Variants in NPY1R observed in about 807,000 individuals in gnomAD.
NPY1R encodes the protein neuropeptide Y receptor Y1.
In NPY1R, 10 loss-of-function variants were observed where a neutral mutation model predicts 24.1. That is an observed-to-expected ratio of 0.42 (90% CI 0.26 to 0.71). NPY1R has a LOEUF of 0.71. NPY1R is among the 30% of genes least tolerant of loss of function. The pLI is 0.28. For missense variants in NPY1R, 350 were observed against 458.0 expected, an observed-to-expected ratio of 0.76 and a Z score of 2.15; for synonymous variants, 168 against 165.9, an observed-to-expected ratio of 1.01 and a Z score of -0.10.
intron 1 of NPY1R, among the ~76,000 whole-genome samples, chr4:163,343,420 T>G (rs1735060780): frequency 6.6e-6 from 1 of 152,054 alleles, no homozygotes; most frequent in Non-Finnish European, 1.5e-5. Context: ...CACTCTTCCT[T>G]ACTTCAAAGA....
chr4:163,327,616 T>G (rs1418778985), intron 1 of NPY1R, among the ~76,000 whole-genome samples: 2 of 152,146 alleles, frequency 1.3e-5, no homozygotes, highest in Admixed American at 6.5e-5. Context: ...ATTAATATGT[T>G]AGAAGCTTTC....
In NPY1R at chr4:163,324,586, GT is replaced by G. The variant is rs1178157517; in HGVS notation, c.*716del. 6.6e-6 allele frequency: 1 copy of G among 151,968 alleles called. No individual in the cohort carries two copies. The highest frequency in any genetic ancestry group is 1.5e-5 in the Non-Finnish European group (1 of 67,980). 9.4% of individuals were successfully genotyped at this position (151,968 alleles called of 1,614,324 possible). ...GCTCTTGTTGTCAGGTACCAAAATG[GT>G]TTTGAAGTTAGGGAGCTGCTTTCTC... On this transcript the variant is annotated 3_prime_UTR_variant, in exon 3 of 3. Coordinates refer to ENST00000296533, the MANE Select transcript of NPY1R (RefSeq NM_000909.6).
In NPY1R at chr4:163,325,325, T is replaced by C. The variant is rs776122730; in HGVS notation, c.1133A>G (p.Asn378Ser). The change falls in exon 3 of 3, where the codon AAT (asparagine) becomes AGT (serine). Residue 378 changes from asparagine (N) to serine (S), a missense_variant. Physicochemically the swap from Asn to Ser is conservative, Grantham distance 46 (BLOSUM62 1). Transcript: ENST00000296533. ...SPVAFKKINN[N>S]DDNEKI ...GTTTCAGATTTTTTCATTATCATCA[T>C]TGTTGTTGATTTTTTTAAATGCGAC... 4.3e-6 allele frequency: 7 copies of C among 1,610,156 alleles called. No homozygotes were observed. In the East Asian group the frequency reaches 1.1e-4, roughly 26 times the overall value.
At chr4:163,338,421 C>T (rs1423911404) in intron 1 of NPY1R, among the ~76,000 whole-genome samples, 2 of 152,196 alleles carry the variant, frequency 1.3e-5, no homozygotes, top group Non-Finnish European at 2.9e-5. Context: ...AGACACCAAA[C>T]CACAGCTCCC....
chr4:163,336,414 T>G (rs1056959246), upstream of NPY1R, among the ~76,000 whole-genome samples: 1 of 152,222 alleles, frequency 6.6e-6, no homozygotes, highest in Admixed American at 6.5e-5. Flanking sequence ...TTATTATTAC[T>G]ATTCCCTTCA....
intron 1 of NPY1R, among the ~76,000 whole-genome samples, chr4:163,341,018 G>A (rs189438887): frequency 7.9e-5 from 12 of 151,726 alleles, no homozygotes; most frequent in Admixed American, 2.6e-4. Flanking sequence ...CACAATTATC[G>A]TTAAGTTGCC....
Position 163,341,902 on chromosome 4 carries a change from T to G in NPY1R, c.-152+2403A>C, listed in dbSNP as rs73866095. Among the ~76,000 whole-genome samples the G allele has an allele frequency of 3.9e-3, 600 of 152,364 alleles. 4 individuals are homozygous for G. The highest frequency in any genetic ancestry group is 0.013 in the African/African-American group (561 of 41,580). On this transcript the variant is annotated intron_variant, in intron 1 of 1. Coordinates refer to the NPY1R transcript ENST00000511901. The stretch of plus-strand genomic sequence containing the variant: ...GGAAATTTAAAGGTAAAAACACACT[T>G]ATCTTCATATCTTCCTCTTTATGTA...
chr4:163,329,814 T>C (rs867638593), intron 1 of NPY1R, among the ~76,000 whole-genome samples: 19 of 129,330 alleles, frequency 1.5e-4, no homozygotes, highest in Admixed American at 2.6e-4. Context: ...GTGTGCTAAG[T>C]AGCAATAAGA....
rs1257484810 is a variant in NPY1R, at chr4:163,325,847, T to G, written c.699+9A>C. The stretch of plus-strand genomic sequence containing the variant: ...AAAAATGGAAATGATAGAAAAAAAG[T>G]TTTCTTACCTTGAAGTAGCAAATAA... On this transcript the variant is annotated intron_variant, in intron 2 of 2. Coordinates refer to ENST00000296533, the MANE Select transcript of NPY1R (RefSeq NM_000909.6). The G allele has an allele frequency of 1.2e-6, 2 of 1,607,592 alleles. No homozygotes were observed. The highest frequency in any genetic ancestry group is 1.7e-5 in the Admixed American group (1 of 59,388).
chr4:163,328,911 C>T (rs1426989620), intron 1 of NPY1R, among the ~76,000 whole-genome samples: 1 of 152,118 alleles, frequency 6.6e-6, no homozygotes, highest in Admixed American at 6.6e-5. Context: ...TAGTACCTTG[C>T]AAGTATTAGA....
intron 1 of NPY1R, among the ~76,000 whole-genome samples, chr4:163,338,103 G>A (rs1383583436): frequency 6.6e-6 from 1 of 152,078 alleles, no homozygotes; most frequent in Non-Finnish European, 1.5e-5. Context: ...TCTCTCCCAA[G>A]ATCTACTATT....
At chr4:163,331,891 G>C (rs2110801331) in intron 1 of NPY1R, among the ~76,000 whole-genome samples, 1 of 152,352 alleles carries the variant, frequency 6.6e-6, no homozygotes, top group African/African-American at 2.4e-5. Flanking sequence ...TTGCAGCCGA[G>C]AAGCGCGGAA....
Position 163,325,656 on chromosome 4 carries a change from T to A in NPY1R, c.802A>T (p.Ile268Phe). ...TKRINIMLLS[I>F]VVAFAVCWLP... is the part of the protein sequence containing the mutation. ...CAGCAGACTGCAAATGCTACCACAA[T>A]GGAGAGCAGCATGATATTGATTCTT... is the stretch of plus-strand genomic sequence containing the variant. The change falls in exon 3 of 3, where the codon ATT (isoleucine) becomes TTT (phenylalanine). Residue 268 changes from isoleucine (I) to phenylalanine (F), a missense_variant. Ile to Phe is a conservative substitution (Grantham distance 21). Transcript: ENST00000296533. The A allele has an allele frequency of 6.2e-7, 1 of 1,607,866 alleles. No individual in the cohort carries two copies. Among genetic ancestry groups the A allele is most frequent in the Non-Finnish European group, 8.5e-7 (1 of 1,178,966 alleles).
At chr4:163,332,683 G>C (rs1734760994), upstream of NPY1R, 1 of 152,414 alleles carries the variant, frequency 6.6e-6, no homozygotes, top group African/African-American at 2.4e-5. Flanking sequence ...AGCGCCTGAA[G>C]CTCCCCCAAC....
chr4:163,329,970 T>A (rs1734692413), intron 1 of NPY1R, among the ~76,000 whole-genome samples: 1 of 151,760 alleles, frequency 6.6e-6, no homozygotes, highest in Admixed American at 6.6e-5. Context: ...TTGGCAAAGG[T>A]GTGAAGTTTT....
chr4:163,331,332 C>G (rs1272605611), intron 1 of NPY1R, among the ~76,000 whole-genome samples: 1 of 152,012 alleles, frequency 6.6e-6, no homozygotes, highest in Non-Finnish European at 1.5e-5. Flanking sequence ...GCTCCTCTCC[C>G]CTAGGTTTTT....
upstream of NPY1R, among the ~76,000 whole-genome samples, chr4:163,337,860 G>C (rs1387207490): frequency 6.6e-6 from 1 of 152,088 alleles, no homozygotes; most frequent in African/African-American, 2.4e-5. Flanking sequence ...CTTCTTTGAG[G>C]ATAAGGTACA....
chr4:163,325,045 T>G lies in NPY1R; in HGVS notation c.*258A>C, dbSNP rs1734571735. The stretch of plus-strand genomic sequence containing the variant: ...AAGTACAGTATAAAAGTCTTTATAT[T>G]ATATGCATAAATTCACAAAAAGCAC... On this transcript the variant is annotated 3_prime_UTR_variant, in exon 3 of 3. Coordinates refer to ENST00000296533, the MANE Select transcript of NPY1R (RefSeq NM_000909.6). 7.0e-6 allele frequency: 3 copies of G among 426,052 alleles called. 1 individual carries two copies. In the South Asian group the frequency reaches 9.1e-5, roughly 13 times the overall value. 26.4% of individuals were successfully genotyped at this position (426,052 alleles called of 1,614,324 possible).
chr4:163,336,771 G>A (rs1363507723), upstream of NPY1R, among the ~76,000 whole-genome samples: 3 of 152,274 alleles, frequency 2.0e-5, no homozygotes, highest in East Asian at 5.8e-4. Flanking sequence ...GACCAGCCTG[G>A]CCAACAAGGT....
Sources: gnomAD v4.1 joint callset for allele counts (sites outside exome capture counted in the v4.1 genomes callset) on GRCh38, gnomAD v4.1.1 for gene constraint, MANE v1.5 for transcripts, NCBI Gene and HGNC (gene_info 2026-07-23, HGNC 2026-07-21) for gene names.